The following DLGAP2 variants were observed in gnomAD, a reference collection of about 807,000 sequenced individuals.
The protein encoded by DLGAP2 is disks large-associated protein 2.
DLGAP2 carries 26 observed loss-of-function variants against 100.3 expected under a neutral mutation model. The observed-to-expected ratio is 0.26, with a 90% confidence interval of 0.19 to 0.36. The LOEUF (loss-of-function observed/expected upper bound fraction) is 0.36, where lower values mean the gene tolerates loss of function less well. Ranked by LOEUF, DLGAP2 falls within the 10% of genes least tolerant of loss-of-function variation. The pLI, the probability that DLGAP2 is intolerant of heterozygous loss-of-function variation, is 1.00. For missense variants in DLGAP2, 1,858 were observed against 1,453.2 expected (o/e 1.28, Z -4.53); for synonymous variants, 886 against 630.1 (o/e 1.41, Z -6.08).
chr8:1,196,428 T>A (rs571762021), intron 2 of DLGAP2, among the ~76,000 whole-genome samples: 4 of 152,248 alleles, frequency 2.6e-5, no homozygotes, highest in African/African-American at 9.6e-5. Flanking sequence ...ATGTTAATGC[T>A]GAGTGAGTGA....
intron 3 of DLGAP2, among the ~76,000 whole-genome samples, chr8:1,484,749 G>A (rs1400397578): frequency 2.0e-5 from 3 of 152,226 alleles, no homozygotes; most frequent in Non-Finnish European, 4.4e-5. Flanking sequence ...CCATAGTTGG[G>A]CATCATATCT....
At chr8:1,425,243 A>G (rs1797205990) in intron 3 of DLGAP2, among the ~76,000 whole-genome samples, 1 of 152,224 alleles carries the variant, frequency 6.6e-6, no homozygotes, top group Non-Finnish European at 1.5e-5. Context: ...TGATAGTGAA[A>G]ATATCTGTCT....
At position 1,114,083 on chromosome 8, in the gene DLGAP2, G is replaced by A. The variant is rs1203632746; in HGVS notation, c.74-144768G>A. ...TGGTGGATTAGCTTTTTGATATGCT[G>A]TTGGATTTGGTTTGCAAGAATTTTG... On this transcript the variant is annotated intron_variant, in intron 2 of 14. Coordinates refer to ENST00000637795, the MANE Select transcript of DLGAP2 (RefSeq NM_001346810.2). Among the ~76,000 whole-genome samples, 4 of 152,148 alleles carry A rather than the reference G, an allele frequency of 2.6e-5. No homozygotes were observed. The South Asian group carries it at 8.3e-4, about 31-fold the overall frequency.
chr8:1,075,341 G>C (rs191203300), intron 2 of DLGAP2, among the ~76,000 whole-genome samples: 1 of 152,134 alleles, frequency 6.6e-6, no homozygotes, highest in Non-Finnish European at 1.5e-5. Flanking sequence ...CGTGCATTGT[G>C]GGGTGCTGGA....
chr8:1,321,078 CCTCTGTGTGT>C (rs1463075777), intron 3 of DLGAP2, among the ~76,000 whole-genome samples: 1 of 149,720 alleles, frequency 6.7e-6, no homozygotes, highest in Non-Finnish European at 1.5e-5. Context: ...CATCTGTGTG[CCTCTGTGTGT>C]GCGCATGCAT....
intron 3 of DLGAP2, among the ~76,000 whole-genome samples, chr8:1,416,424 C>CT (rs1796885651): frequency 6.6e-6 from 1 of 152,180 alleles, no homozygotes; most frequent in African/African-American, 2.4e-5. Context: ...GCAAATTAAA[C>CT]TTTTCCATAA....
chr8:1,567,712 C>T (rs1802460110), intron 6 of DLGAP2, among the ~76,000 whole-genome samples: 1 of 152,168 alleles, frequency 6.6e-6, no homozygotes, highest in Non-Finnish European at 1.5e-5. Flanking sequence ...TCAAAGGACA[C>T]TCTCAGAACT....
rs147046497 is a variant in DLGAP2 at position 950,111 on chromosome 8, C to T, written c.73+42145C>T. 5.1e-3 allele frequency among the ~76,000 whole-genome samples: 782 copies of T among 152,272 alleles called. 4 individuals carry two copies. Among genetic ancestry groups the T allele is most frequent in the Non-Finnish European group, 7.2e-3 (491 of 68,018 alleles). The stretch of plus-strand genomic sequence containing the variant: ...TGCCTTGGTGCCGCGGGGCTCAATA[C>T]TCAGGGACTGCAAGTGAAGTCACCT... On this transcript the variant is annotated intron_variant, in intron 2 of 14. Coordinates refer to ENST00000637795, the MANE Select transcript of DLGAP2 (RefSeq NM_001346810.2).
intron 2 of DLGAP2, among the ~76,000 whole-genome samples, chr8:1,126,337 GAC>G (rs1796164275): frequency 6.6e-6 from 1 of 151,922 alleles, no homozygotes; most frequent in Non-Finnish European, 1.5e-5. Context: ...GAGAAGAAGA[GAC>G]ACAGGCAGAT....
chr8:1,057,258 G>A (rs2129034218), intron 2 of DLGAP2, among the ~76,000 whole-genome samples: 1 of 152,324 alleles, frequency 6.6e-6, no homozygotes, highest in South Asian at 2.1e-4. Context: ...AGAAACAGGA[G>A]TTTTAGCACA....
intron 3 of DLGAP2, among the ~76,000 whole-genome samples, chr8:1,306,086 AAAAAAAG>A (rs1330884864): frequency 2.6e-5 from 4 of 150,976 alleles, no homozygotes; most frequent in South Asian, 2.1e-4. Context: ...AAAAAAAAAA[AAAAAAAG>A]AGAGAGGGAG....
At chr8:1,363,619 G>A (rs934908660) in intron 3 of DLGAP2, among the ~76,000 whole-genome samples, 37 of 152,200 alleles carry the variant, frequency 2.4e-4, no homozygotes, top group African/African-American at 8.4e-4. Flanking sequence ...TTGGGATCTG[G>A]ACCTGCAAAT....
intron 8 of DLGAP2, among the ~76,000 whole-genome samples, chr8:1,638,813 G>C (rs1797830437): frequency 1.3e-5 from 2 of 152,226 alleles, no homozygotes; most frequent in Non-Finnish European, 2.9e-5. Flanking sequence ...AGGCCGTAAT[G>C]ATGGCTCCAT....
chr8:1,252,073 G>C (rs556257978), intron 2 of DLGAP2, among the ~76,000 whole-genome samples: 5 of 143,184 alleles, frequency 3.5e-5, no homozygotes, highest in African/African-American at 5.8e-5. Flanking sequence ...CTGTGTTGTC[G>C]TGTGGGTGTG....
intron 2 of DLGAP2, among the ~76,000 whole-genome samples, chr8:1,040,523 T>C (rs1182197197): frequency 6.7e-6 from 1 of 148,558 alleles, no homozygotes; most frequent in African/African-American, 2.5e-5. Context: ...TGGCTCGGTT[T>C]CCGTGGTCGG....
chr8:1,683,954 G>GTGTATATA (rs1450063590), intron 12 of DLGAP2, among the ~76,000 whole-genome samples: 38 of 74,722 alleles, frequency 5.1e-4, no homozygotes, highest in African/African-American at 6.7e-4. Flanking sequence ...ATATATGTGT[G>GTGTATATA]TATATATATA....
chr8:1,653,303 T>G (rs1273362953), intron 8 of DLGAP2, among the ~76,000 whole-genome samples: 2 of 151,836 alleles, frequency 1.3e-5, no homozygotes, highest in Non-Finnish European at 2.9e-5. Flanking sequence ...GCCCTGCGGG[T>G]GGGGTAGGGA....
intron 2 of DLGAP2, among the ~76,000 whole-genome samples, chr8:1,212,283 C>T (rs1474174566): frequency 6.6e-6 from 1 of 152,200 alleles, no homozygotes; most frequent in African/African-American, 2.4e-5. Flanking sequence ...GGACTTGGAG[C>T]TGCTTTCAGT....
intron 3 of DLGAP2, among the ~76,000 whole-genome samples, chr8:1,460,973 C>T (rs1413207779): frequency 6.6e-6 from 1 of 152,224 alleles, no homozygotes; most frequent in Non-Finnish European, 1.5e-5. Context: ...GTTTGGAAAG[C>T]CTGGCCTGGG....
Sources: allele counts gnomAD v4.1 joint callset (sites outside exome capture counted in the v4.1 genomes callset), GRCh38; gene constraint gnomAD v4.1.1; transcripts MANE v1.5; gene names NCBI Gene and HGNC (gene_info 2026-07-23, HGNC 2026-07-21).